Variants in PPP2R1A observed in about 807,000 individuals in gnomAD.
PPP2R1A encodes serine/threonine-protein phosphatase 2A 65 kDa regulatory subunit A alpha isoform.
In PPP2R1A, 15 loss-of-function variants were observed where a neutral mutation model predicts 67.1. The ratio of observed to expected loss-of-function variants is 0.22; its 90% CI spans 0.15 to 0.34. PPP2R1A has a LOEUF of 0.34. Ranked by LOEUF, PPP2R1A falls within the 10% of genes least tolerant of loss-of-function variation. The pLI is 1.00. For synonymous variants in PPP2R1A, 337 were observed against 325.0 expected, an observed-to-expected ratio of 1.04 and a Z score of -0.40; for missense variants, 369 against 775.0, an observed-to-expected ratio of 0.48 and a Z score of 6.22.
chr19:52,190,144 C>G lies in PPP2R1A; in HGVS notation c.48C>G (p.Leu16=). Residue 16 remains leucine, a synonymous_variant, in exon 1 of 15, where the codon CTC becomes CTG. Coordinates refer to ENST00000322088, the MANE Select transcript of PPP2R1A (RefSeq NM_014225.6). ...ACTCGCTGTACCCCATCGCGGTGCT[C>G]ATAGACGAACTCCGCAATGAGGACG... ...GDDSLYPIAV[L]IDELRNEDVQ... The G allele has an allele frequency of 6.4e-7, 1 of 1,550,908 alleles. No individual in the cohort carries two copies. The highest frequency in any genetic ancestry group is 2.5e-5 in the East Asian group (1 of 40,804).
rs1163007353 is a variant in PPP2R1A at position 52,212,315 on chromosome 19, G to A, written c.504-371G>A. Among the ~76,000 whole-genome samples, 1 of 152,110 alleles carries A rather than the reference G, an allele frequency of 6.6e-6. No individual in the cohort carries two copies. Among genetic ancestry groups the A allele is most frequent in the Non-Finnish European group, 1.5e-5 (1 of 68,028 alleles). On this transcript the variant is annotated intron_variant, in intron 4 of 14. Coordinates refer to ENST00000322088, the MANE Select transcript of PPP2R1A (RefSeq NM_014225.6). The surrounding 1 kb of genome is among the most constrained non-coding windows in gnomAD (Gnocchi z 4.1). ...GCTCAGGCTGGTCTTGAACTCCTGGGCTCAAGCAATCCTCCTGCCTTGGTC... is the reference window on the plus strand; with the variant it reads ...GCTCAGGCTGGTCTTGAACTCCTGGACTCAAGCAATCCTCCTGCCTTGGTC...
In PPP2R1A at chr19:52,216,460, G is replaced by A. The variant is rs755066437; in HGVS notation, c.994-69G>A. On this transcript the variant is annotated intron_variant, in intron 8 of 14. Coordinates refer to ENST00000322088, the MANE Select transcript of PPP2R1A (RefSeq NM_014225.6). This position sits in a 1 kb window ranked among gnomAD's most constrained non-coding sequence, Gnocchi z 4.3. ...GCAGGTTATTGTCTCTTAGGAGTTG[G>A]CATCTGCTTAGCCACTTGCTGCTGC... 900 of 1,581,162 alleles carry A rather than the reference G, an allele frequency of 5.7e-4. 3 individuals carry two copies. The highest frequency in any genetic ancestry group is 7.2e-4 in the Non-Finnish European group (826 of 1,153,716).
At chr19:52,204,395 G>A (rs549913516) in intron 2 of PPP2R1A, among the ~76,000 whole-genome samples, 1 of 152,284 alleles carries the variant, frequency 6.6e-6, no homozygotes, top group South Asian at 2.1e-4. Flanking sequence ...GGAAAACCAG[G>A]TAAGAAGCTG....
chr19:52,197,844 T>C (rs919297210), intron 1 of PPP2R1A, among the ~76,000 whole-genome samples: 1 of 152,192 alleles, frequency 6.6e-6, no homozygotes, highest in Non-Finnish European at 1.5e-5. Context: ...GGGGATTCTG[T>C]ATTTCCCTCA....
rs79379632 is a variant in PPP2R1A, at chr19:52,206,266, T to C, written c.270+203T>C. On this transcript the variant is annotated intron_variant, in intron 3 of 14. Transcript: ENST00000322088. Reference sequence around the variant, plus strand: ...GGGTGCAGTTATCATCCTTTCTGTTTAGTGGTCAGGTAGGTGCCCAGTGCC... The same window carrying C: ...GGGTGCAGTTATCATCCTTTCTGTTCAGTGGTCAGGTAGGTGCCCAGTGCC... Among the ~76,000 whole-genome samples the C allele has an allele frequency of 7.9e-3, 1,206 of 152,240 alleles. 13 individuals are homozygous for C. The highest frequency in any genetic ancestry group is 0.028 in the African/African-American group (1,145 of 41,542).
In PPP2R1A at chr19:52,219,580, G is replaced by C; in HGVS notation, c.1129-111G>C. ...AACGGGGAGCTGGGCTTGGACAGGA[G>C]TAGTCCCTCGGGAGATGTCCATAAA... is the stretch of plus-strand genomic sequence containing the variant. On this transcript the variant is annotated intron_variant, in intron 9 of 14. Coordinates refer to ENST00000322088, the MANE Select transcript of PPP2R1A (RefSeq NM_014225.6). This position sits in a 1 kb window ranked among gnomAD's most constrained non-coding sequence, Gnocchi z 4.0. 3 of 1,143,548 alleles carry C rather than the reference G, an allele frequency of 2.6e-6. No homozygotes were observed. Among genetic ancestry groups the C allele is most frequent in the Non-Finnish European group, 3.7e-6 (3 of 816,432 alleles). 70.8% of individuals were successfully genotyped at this position (1,143,548 alleles called of 1,614,324 possible).
At chr19:52,206,850 G>GCTGCCT (rs1189385128) in intron 3 of PPP2R1A, among the ~76,000 whole-genome samples, 2 of 152,168 alleles carry the variant, frequency 1.3e-5, no homozygotes, top group African/African-American at 4.8e-5. Context: ...GGCCACTGCT[G>GCTGCCT]CTGCCTCTGC....
rs1471491791 is a variant in PPP2R1A, at chr19:52,228,797, T to G, written c.*2816T>G. The G allele has an allele frequency of 2.6e-5, 4 of 152,296 alleles. No individual in the cohort carries two copies. Among genetic ancestry groups the G allele is most frequent in the Admixed American group, 2.6e-4 (4 of 15,286 alleles). 9.4% of individuals were successfully genotyped at this position (152,296 alleles called of 1,614,324 possible). On this transcript the variant is annotated 3_prime_UTR_variant, in exon 15 of 15. Transcript: ENST00000322088. ...GATGACTGCACTTCTTTGGCTGTTT[T>G]TGCCAACAGCCTCTTCACTGACCCC...
chr19:52,206,229 A>C (rs1330248573), intron 3 of PPP2R1A, among the ~76,000 whole-genome samples, 166 bp downstream of exon 3: 1 of 152,152 alleles, frequency 6.6e-6, no homozygotes, highest in East Asian at 1.9e-4. Context: ...GGCTTTTAAT[A>C]TCGTGAACTC....
chr19:52,190,072 C>A lies in PPP2R1A; in HGVS notation c.-25C>A. 6.5e-7 allele frequency: 1 copy of A among 1,545,504 alleles called. No individual in the cohort carries two copies. Among genetic ancestry groups the A allele is most frequent in the Non-Finnish European group, 8.7e-7 (1 of 1,143,352 alleles). The stretch of plus-strand genomic sequence containing the variant: ...GTTTCAGCACAGCGCTGGCCGCAGT[C>A]TGACAGGAAAGGGACGGAGCCAAGA... On this transcript the variant is annotated 5_prime_UTR_variant, in exon 1 of 15. The change creates a new upstream start codon in the 5' untranslated region. Coordinates refer to ENST00000322088, the MANE Select transcript of PPP2R1A (RefSeq NM_014225.6).
intron 1 of PPP2R1A, chr19:52,190,417 C>A (rs2089442658): frequency 1.8e-6 from 1 of 568,112 alleles, no homozygotes; most frequent in Non-Finnish European, 3.2e-6. Flanking sequence ...CCTGTGCGCG[C>A]GGCGGTCCGC....
chr19:52,222,796 GAA>G, intron 13 of PPP2R1A, among the ~76,000 whole-genome samples: 1 of 152,208 alleles, frequency 6.6e-6, no homozygotes, highest in Non-Finnish European at 1.5e-5. Context: ...AGAATTGCTT[GAA>G]TCCAGGAGGT....
chr19:52,205,472 A>G (rs1261354602), intron 2 of PPP2R1A, among the ~76,000 whole-genome samples: 1 of 152,100 alleles, frequency 6.6e-6, no homozygotes, highest in Non-Finnish European at 1.5e-5. Flanking sequence ...AGCCCAGAGA[A>G]GGTGTAGCGG....
chr19:52,195,701 A>G (rs1403206244), intron 1 of PPP2R1A, among the ~76,000 whole-genome samples: 1 of 152,202 alleles, frequency 6.6e-6, no homozygotes, highest in African/African-American at 2.4e-5. Context: ...TCAGTTCATT[A>G]TAAAGGATAG....
intron 1 of PPP2R1A, among the ~76,000 whole-genome samples, chr19:52,198,482 C>T (rs1213635444): frequency 6.6e-6 from 1 of 151,994 alleles, no homozygotes. Context: ...GAGCGGCTCA[C>T]AGAACTCCAG....
chr19:52,210,474 G>A (rs917649188), intron 3 of PPP2R1A, among the ~76,000 whole-genome samples: 6 of 146,794 alleles, frequency 4.1e-5, no homozygotes, highest in African/African-American at 1.3e-4. Flanking sequence ...CTGTACCTCA[G>A]TTTTCTCTTC....
rs1313754779 is a variant in PPP2R1A at position 52,205,966 on chromosome 19, C to T, written c.173C>T (p.Thr58Ile). The T allele has an allele frequency of 1.2e-6, 2 of 1,612,690 alleles. No homozygotes were observed. Among genetic ancestry groups the T allele is most frequent in the Non-Finnish European group, 1.7e-6 (2 of 1,178,752 alleles). The change falls in exon 3 of 15, where the codon ACC becomes ATC. Residue 58 changes from threonine to isoleucine, a missense_variant. By Grantham distance (89) the Thr-to-Ile change is moderately conservative. Around this residue, in one of 2 missense-constraint regions of PPP2R1A, gnomAD observed 93 missense variants for 266.5 expected, o/e 0.35. Transcript: ENST00000322088. ...GAAGTCTGTCTTGGTTCCACAGATA[C>T]CATCTATGATGAAGATGAGGTCCTC... is the stretch of plus-strand genomic sequence containing the variant. ...RSELLPFLTDTIYDEDEVLLA... is the reference protein window; with the variant it reads ...RSELLPFLTDIIYDEDEVLLA...
intron 6 of PPP2R1A, 81 bp from the exon 7 acceptor site, chr19:52,215,698 C>A: frequency 8.6e-7 from 1 of 1,166,842 alleles, no homozygotes; most frequent in African/African-American, 1.5e-5. Flanking sequence ...ATTCTGGTGC[C>A]TTCACTTTGA....
intron 13 of PPP2R1A, among the ~76,000 whole-genome samples, chr19:52,224,335 C>T (rs1383651048): frequency 6.6e-6 from 1 of 152,190 alleles, no homozygotes; most frequent in Non-Finnish European, 1.5e-5. Context: ...AGGCGGATTT[C>T]CCTGGGCCCC....
Sources: gnomAD v4.1 joint callset for allele counts (sites outside exome capture counted in the v4.1 genomes callset) on GRCh38, gnomAD v4.1.1 for gene constraint, gnomAD v4.1.1 regional missense constraint, Gnocchi (gnomAD v3.1) non-coding constraint, MANE v1.5 for transcripts, NCBI Gene and HGNC (gene_info 2026-07-23, HGNC 2026-07-21) for gene names.